Variants in PTPRD observed in about 807,000 individuals in gnomAD.
PTPRD encodes protein tyrosine phosphatase receptor type D.
A neutral mutation model predicts 214.5 loss-of-function variants in PTPRD; 34 were observed. The observed-to-expected ratio is 0.16, with a 90% CI of 0.12 to 0.21. The LOEUF is 0.21. PTPRD is among the 10% of genes least tolerant of loss of function. The pLI is 1.00. For synonymous variants in PTPRD, 1,128 were observed against 845.7 expected (o/e 1.33, Z -5.79); for missense variants, 2,545 against 2,398.7 (o/e 1.06, Z -1.27).
intron 3 of PTPRD, among the ~76,000 whole-genome samples, chr9:10,272,018 C>T (rs1330233359): frequency 6.6e-6 from 1 of 151,566 alleles, no homozygotes; most frequent in African/African-American, 2.4e-5. Context: ...TTGTTATATT[C>T]ACAGAGTTTT....
At chr9:8,643,944 G>A (rs2096632303) in intron 12 of PTPRD, among the ~76,000 whole-genome samples, 1 of 152,158 alleles carries the variant, frequency 6.6e-6, no homozygotes, top group South Asian at 2.1e-4. Context: ...TCTGAGTGCT[G>A]GGCTGTCAGC....
At chr9:9,809,638 G>C (rs1169763140) in intron 5 of PTPRD, among the ~76,000 whole-genome samples, 2 of 152,186 alleles carry the variant, frequency 1.3e-5, no homozygotes, top group Non-Finnish European at 2.9e-5. Flanking sequence ...AGTTGTTCAT[G>C]AGAGGGGTAA....
At chr9:10,253,219 T>C (rs1269511326) in intron 3 of PTPRD, among the ~76,000 whole-genome samples, 2 of 152,140 alleles carry the variant, frequency 1.3e-5, no homozygotes, top group Admixed American at 6.5e-5. Context: ...ATGTCTGGCA[T>C]ACGATTATGA....
chr9:9,938,866 A>C (rs775505071), intron 4 of PTPRD, among the ~76,000 whole-genome samples: 1 of 152,166 alleles, frequency 6.6e-6, no homozygotes, highest in African/African-American at 2.4e-5. Flanking sequence ...ACTTGAGCAC[A>C]ATCATTCCTA....
intron 7 of PTPRD, among the ~76,000 whole-genome samples, chr9:9,680,791 T>G (rs1159861512): frequency 2.0e-5 from 3 of 151,690 alleles, no homozygotes; most frequent in Non-Finnish European, 4.4e-5. Context: ...AAAAAATTGC[T>G]GCTTGAGCTG....
intron 9 of PTPRD, among the ~76,000 whole-genome samples, chr9:9,263,648 TA>T (rs1023472248): frequency 2.0e-5 from 3 of 151,684 alleles, no homozygotes; most frequent in Non-Finnish European, 4.4e-5. Flanking sequence ...CATTTCTGTT[TA>T]AAGTCATCAT....
At chr9:9,523,374 A>G (rs2097037202) in intron 8 of PTPRD, among the ~76,000 whole-genome samples, 1 of 152,034 alleles carries the variant, frequency 6.6e-6, no homozygotes, top group Non-Finnish European at 1.5e-5. Context: ...ATTGGAGGGG[A>G]GATATTGGGT....
chr9:8,856,350 A>G (rs190995164), intron 11 of PTPRD, among the ~76,000 whole-genome samples: 174 of 152,320 alleles, frequency 1.1e-3, no homozygotes, highest in African/African-American at 3.8e-3. Flanking sequence ...CTATGGTTGA[A>G]CTAAGTCCCC....
At chr9:9,631,916 G>A (rs1249403761) in intron 7 of PTPRD, among the ~76,000 whole-genome samples, 1 of 152,142 alleles carries the variant, frequency 6.6e-6, no homozygotes, top group Non-Finnish European at 1.5e-5. Context: ...AAGAATTAGT[G>A]CTGATACTAA....
intron 2 of PTPRD, among the ~76,000 whole-genome samples, chr9:10,576,536 AAGACATTAG>A (rs1231989132): frequency 1.3e-5 from 2 of 152,118 alleles, no homozygotes; most frequent in Admixed American, 1.3e-4. Context: ...AGGTGACTGA[AAGACATTAG>A]AGCATGGCGG....
chr9:8,671,129 C>G (rs1019892101), intron 12 of PTPRD, among the ~76,000 whole-genome samples: 1 of 151,986 alleles, frequency 6.6e-6, no homozygotes, highest in Non-Finnish European at 1.5e-5. Flanking sequence ...GTGAAGAATA[C>G]AATTAAACAA....
chr9:8,328,723 A>G (rs773318144), intron 44 of PTPRD, among the ~76,000 whole-genome samples: 11 of 151,510 alleles, frequency 7.3e-5, no homozygotes, highest in Admixed American at 5.3e-4. Context: ...GGCTTTGTTC[A>G]TTTCTTTTTA....
At chr9:9,330,392 G>T (rs181697654) in intron 9 of PTPRD, among the ~76,000 whole-genome samples, 226 of 152,034 alleles carry the variant, frequency 1.5e-3, no homozygotes, top group African/African-American at 5.2e-3. Flanking sequence ...TTAAAATAAG[G>T]TTATCTTCAA....
intron 3 of PTPRD, among the ~76,000 whole-genome samples, chr9:10,238,665 A>G (rs2099637021): frequency 6.6e-6 from 1 of 151,998 alleles, no homozygotes; most frequent in Non-Finnish European, 1.5e-5. Context: ...TGGGATTAAT[A>G]TGCAGATATG....
chr9:8,500,657 G>T, intron 24 of PTPRD, 97 bp downstream of exon 24: 1 of 1,026,372 alleles, frequency 9.7e-7, no homozygotes, highest in Non-Finnish European at 1.3e-6. Flanking sequence ...TGGGTAAAAA[G>T]ATGAGCAGAG....
chr9:9,563,281 C>T (rs946388711), intron 8 of PTPRD, among the ~76,000 whole-genome samples: 2 of 152,068 alleles, frequency 1.3e-5, no homozygotes, highest in Non-Finnish European at 2.9e-5. Context: ...TGCAAATTTG[C>T]TGGGTTACTT....
At chr9:9,948,574 G>C (rs1390095588) in intron 4 of PTPRD, among the ~76,000 whole-genome samples, 2 of 152,056 alleles carry the variant, frequency 1.3e-5, no homozygotes, top group Non-Finnish European at 2.9e-5. Context: ...ACTCTTTAGT[G>C]ATTGGCTTAT....
At chr9:9,444,455 T>C (rs1318500893) in intron 8 of PTPRD, among the ~76,000 whole-genome samples, 1 of 152,212 alleles carries the variant, frequency 6.6e-6, no homozygotes, top group South Asian at 2.1e-4. Flanking sequence ...TTCTGTGATA[T>C]TGTGCCTAGC....
At chr9:10,508,647 G>C (rs538110881) in intron 2 of PTPRD, among the ~76,000 whole-genome samples, 164 of 152,220 alleles carry the variant, frequency 1.1e-3, no homozygotes, top group Non-Finnish European at 1.9e-3. Flanking sequence ...CCTTTGTAGG[G>C]ACATGGATGA....
Sources: gnomAD v4.1 joint callset for allele counts (sites outside exome capture counted in the v4.1 genomes callset) on GRCh38, gnomAD v4.1.1 for gene constraint, MANE v1.5 for transcripts, NCBI Gene and HGNC (gene_info 2026-07-23, HGNC 2026-07-21) for gene names.